The following AVL9 variants were observed in gnomAD, a reference collection of about 807,000 sequenced individuals.
AVL9 encodes late secretory pathway protein AVL9 homolog.
A neutral mutation model predicts 79.2 loss-of-function variants in AVL9; 49 were observed. That is an observed-to-expected ratio of 0.62 (90% CI 0.49 to 0.79). The LOEUF (loss-of-function observed/expected upper bound fraction) is 0.79, where lower values mean the gene tolerates loss of function less well. Ranked by LOEUF, AVL9 falls within the 30% of genes least tolerant of loss-of-function variation. The pLI is 0.00. For missense variants in AVL9, 682 were observed against 776.8 expected (o/e 0.88, Z 1.45); for synonymous variants, 299 against 280.6 (o/e 1.07, Z -0.65).
At chr7:32,508,789 A>G (rs1787527113) in intron 1 of AVL9, among the ~76,000 whole-genome samples, 1 of 152,124 alleles carries the variant, frequency 6.6e-6, no homozygotes, top group African/African-American at 2.4e-5. Context: ...GTGTCCACAT[A>G]TGTGTGTCTT....
At chr7:32,549,474 G>A (rs934335092) in intron 4 of AVL9, among the ~76,000 whole-genome samples, 8 of 151,624 alleles carry the variant, frequency 5.3e-5, no homozygotes, top group Admixed American at 6.6e-5. Context: ...CAACCCACCC[G>A]CCTCAGCCTT....
At chr7:32,556,301 G>A (rs1441979363) in intron 8 of AVL9, among the ~76,000 whole-genome samples, 1 of 152,136 alleles carries the variant, frequency 6.6e-6, no homozygotes, top group Non-Finnish European at 1.5e-5. Flanking sequence ...ATCACTTGAG[G>A]TCAGGAGTTT....
chr7:32,522,816 G>A lies in AVL9; in HGVS notation c.94-20325G>A, dbSNP rs193044948. Among the ~76,000 whole-genome samples the A allele has an allele frequency of 7.6e-4, 116 of 152,208 alleles. 1 individual carries two copies. The highest frequency in any genetic ancestry group is 2.5e-3 in the African/African-American group (102 of 41,520). Reference sequence around the variant, plus strand: ...CATGTGTTGTGGGAGAGACCCAGGGGGAGGTAATTGAATCATGGCAGCCAG... The same window carrying A: ...CATGTGTTGTGGGAGAGACCCAGGGAGAGGTAATTGAATCATGGCAGCCAG... On this transcript the variant is annotated intron_variant, in intron 1 of 15. Transcript: ENST00000318709.
chr7:32,505,817 G>A (rs1215740979), intron 1 of AVL9, among the ~76,000 whole-genome samples: 1 of 151,972 alleles, frequency 6.6e-6, no homozygotes, highest in Non-Finnish European at 1.5e-5. Flanking sequence ...AGCAAACATT[G>A]TGTCTTAGAG....
At chr7:32,544,486 TG>T (rs1490796952) in intron 2 of AVL9, among the ~76,000 whole-genome samples, 1 of 152,230 alleles carries the variant, frequency 6.6e-6, no homozygotes, top group Non-Finnish European at 1.5e-5. Flanking sequence ...TTCAGTCTCT[TG>T]GGCTTTTTGT....
chr7:32,501,648 A>G (rs1024364230), intron 1 of AVL9, among the ~76,000 whole-genome samples: 1 of 152,252 alleles, frequency 6.6e-6, no homozygotes, highest in African/African-American at 2.4e-5. Flanking sequence ...CTTGTGTACT[A>G]GAACTTTGAA....
chr7:32,540,270 GTATC>G (rs1789117728), intron 1 of AVL9, among the ~76,000 whole-genome samples: 2 of 152,206 alleles, frequency 1.3e-5, no homozygotes, highest in South Asian at 2.1e-4. Flanking sequence ...ATATGTGAGA[GTATC>G]TATGGGATAA....
intron 10 of AVL9, among the ~76,000 whole-genome samples, chr7:32,564,784 C>T (rs924620764): frequency 2.0e-5 from 3 of 152,018 alleles, no homozygotes; most frequent in East Asian, 1.9e-4. Flanking sequence ...GAATAAGAGG[C>T]GGGGCTAGAG....
intron 4 of AVL9, among the ~76,000 whole-genome samples, chr7:32,550,080 A>G (rs1180977434): frequency 1.3e-5 from 2 of 152,186 alleles, no homozygotes; most frequent in Non-Finnish European, 2.9e-5. Flanking sequence ...ATACTGGACC[A>G]GATGACAGAA....
At chr7:32,508,391 A>G (rs1018704162) in intron 1 of AVL9, among the ~76,000 whole-genome samples, 6 of 152,200 alleles carry the variant, frequency 3.9e-5, no homozygotes, top group Non-Finnish European at 7.3e-5. Flanking sequence ...TAGTATCCAC[A>G]TTAAGAGAGC....
At chr7:32,534,907 C>T (rs1446292554) in intron 1 of AVL9, 1 of 152,196 alleles carries the variant, frequency 6.6e-6, no homozygotes. Flanking sequence ...GAGATCACAT[C>T]AATGCACTCC....
In AVL9 at chr7:32,548,846, G is replaced by C; in HGVS notation, c.301-1G>C. On this transcript the variant is annotated splice_acceptor_variant, in intron 3 of 15. Coordinates refer to ENST00000318709, the MANE Select transcript of AVL9 (RefSeq NM_015060.3). LOFTEE classifies it high-confidence loss of function. ...GATAAATTGCTCTTTGTTCATAATAGGCACTGAAAGTAAGGCAAGCAGATA... is the reference window on the plus strand; with the variant it reads ...GATAAATTGCTCTTTGTTCATAATACGCACTGAAAGTAAGGCAAGCAGATA... 6.4e-7 allele frequency: 1 copy of C among 1,559,132 alleles called. No homozygotes were observed. Among genetic ancestry groups the C allele is most frequent in the Non-Finnish European group, 8.6e-7 (1 of 1,156,114 alleles).
intron 1 of AVL9, among the ~76,000 whole-genome samples, chr7:32,525,806 C>T (rs563127741): frequency 6.6e-5 from 10 of 152,280 alleles, no homozygotes; most frequent in Non-Finnish European, 1.0e-4. Context: ...ACCAGTCTCC[C>T]TCCTTTGGCA....
chr7:32,510,204 T>C (rs1268840850), intron 1 of AVL9, among the ~76,000 whole-genome samples: 1 of 151,416 alleles, frequency 6.6e-6, no homozygotes, highest in Non-Finnish European at 1.5e-5. Context: ...CAGGGTGAGA[T>C]ACGTGAGCCG....
intron 1 of AVL9, among the ~76,000 whole-genome samples, chr7:32,502,469 T>C (rs1007222839): frequency 1.3e-5 from 2 of 151,106 alleles, no homozygotes; most frequent in East Asian, 1.9e-4. Context: ...ATGTGAAATA[T>C]ACCATTAATA....
intron 1 of AVL9, among the ~76,000 whole-genome samples, chr7:32,510,637 G>A (rs1166666599): frequency 7.1e-6 from 1 of 141,794 alleles, no homozygotes; most frequent in African/African-American, 2.6e-5. Context: ...GCCCCATTAT[G>A]AGGGAAACCA....
chr7:32,554,391 G>A (rs781192109), intron 7 of AVL9, among the ~76,000 whole-genome samples, 167 bp from the exon 8 acceptor site: 8 of 152,072 alleles, frequency 5.3e-5, no homozygotes, highest in Non-Finnish European at 1.0e-4. Flanking sequence ...ACATTTAAGA[G>A]TACACAGGTA....
chr7:32,544,565 G>T (rs1367284324), intron 2 of AVL9, 129 bp from the exon 3 acceptor site: 10 of 639,728 alleles, frequency 1.6e-5, no homozygotes, highest in Non-Finnish European at 2.4e-5. Context: ...CTACAAATAA[G>T]TATGATTTGG....
intron 1 of AVL9, among the ~76,000 whole-genome samples, chr7:32,504,236 T>C (rs1436994549): frequency 6.6e-6 from 1 of 152,246 alleles, no homozygotes; most frequent in African/African-American, 2.4e-5. Flanking sequence ...ATCAATTGAT[T>C]TGATCATTTG....
Sources: gnomAD v4.1 joint callset for allele counts (sites outside exome capture counted in the v4.1 genomes callset) on GRCh38, gnomAD v4.1.1 for gene constraint, MANE v1.5 for transcripts, NCBI Gene and HGNC (gene_info 2026-07-23, HGNC 2026-07-21) for gene names.